The following TMEM108 variants were observed in gnomAD, a reference collection of about 807,000 sequenced individuals.
The protein encoded by TMEM108 is cancer/testis antigen 124.
Under a neutral mutation model 35.1 loss-of-function variants are expected in TMEM108, and 12 were observed. The observed-to-expected ratio is 0.34, with a 90% CI of 0.22 to 0.55. The LOEUF is 0.55. Ranked by LOEUF, TMEM108 falls within the 20% of genes least tolerant of loss-of-function variation. TMEM108 has a pLI of 0.89. For synonymous variants in TMEM108, 287 were observed against 308.6 expected, an observed-to-expected ratio of 0.93 and a Z score of 0.73; for missense variants, 680 against 753.3, an observed-to-expected ratio of 0.90 and a Z score of 1.14.
At chr3:133,052,973 G>A (rs191727153) in intron 2 of TMEM108, among the ~76,000 whole-genome samples, 49 of 152,242 alleles carry the variant, frequency 3.2e-4, no homozygotes, top group African/African-American at 1.1e-3. Flanking sequence ...GATGGGGAGA[G>A]GGAGGAGTAA....
intron 2 of TMEM108, among the ~76,000 whole-genome samples, chr3:133,218,374 C>T (rs1255703343): frequency 6.6e-6 from 1 of 151,532 alleles, no homozygotes; most frequent in Non-Finnish European, 1.5e-5. Flanking sequence ...TTTTTCTTTC[C>T]AGTTTGGATG....
chr3:133,040,210 T>G (rs1173428170), intron 1 of TMEM108, among the ~76,000 whole-genome samples: 147 of 146,062 alleles, frequency 1.0e-3, no homozygotes, highest in African/African-American at 2.2e-3. Flanking sequence ...TTGTTTGTTT[T>G]TTTTTTTTTT....
chr3:133,210,484 T>G (rs1352375621), intron 2 of TMEM108, among the ~76,000 whole-genome samples: 1 of 152,198 alleles, frequency 6.6e-6, no homozygotes, highest in Non-Finnish European at 1.5e-5. Flanking sequence ...GGAGTCAGAA[T>G]TTCTAAGGGA....
intron 2 of TMEM108, among the ~76,000 whole-genome samples, 200 bp downstream of exon 2, chr3:133,046,220 G>A (rs1387506549): frequency 6.6e-6 from 1 of 152,168 alleles, no homozygotes; most frequent in African/African-American, 2.4e-5. Flanking sequence ...TGATGGGATG[G>A]AATCTATGCA....
intron 3 of TMEM108, among the ~76,000 whole-genome samples, chr3:133,355,005 G>T (rs1390238596): frequency 6.6e-6 from 1 of 152,130 alleles, no homozygotes; most frequent in Admixed American, 6.5e-5. Flanking sequence ...ATGGGAGGAA[G>T]GGTAGGCAAG....
chr3:133,343,308 G>A lies in TMEM108; in HGVS notation c.41-36444G>A, dbSNP rs149607922. Reference sequence around the variant, plus strand: ...CAATCACTTTAGAGACACTGTAGACGTTTCTTATAAAGCTGAGTATATAGA... The same window carrying A: ...CAATCACTTTAGAGACACTGTAGACATTTCTTATAAAGCTGAGTATATAGA... On this transcript the variant is annotated intron_variant, in intron 3 of 5. Transcript: ENST00000321871. 3.4e-3 allele frequency among the ~76,000 whole-genome samples: 514 copies of A among 151,944 alleles called. 7 individuals are homozygous for A. Among genetic ancestry groups the A allele is most frequent in the African/African-American group, 0.011 (477 of 41,502 alleles).
intron 2 of TMEM108, among the ~76,000 whole-genome samples, chr3:133,080,879 G>T (rs1943801077): frequency 6.6e-6 from 1 of 152,034 alleles, no homozygotes; most frequent in Non-Finnish European, 1.5e-5. Flanking sequence ...GACACAAGTA[G>T]GGTCTCTTCA....
intron 2 of TMEM108, among the ~76,000 whole-genome samples, chr3:133,070,802 A>C (rs1278872782): frequency 6.7e-6 from 1 of 149,912 alleles, no homozygotes; most frequent in East Asian, 1.9e-4. Flanking sequence ...AGTGTGTTTA[A>C]CAGTCTCTTG....
chr3:133,205,891 G>A (rs538292651), intron 2 of TMEM108, among the ~76,000 whole-genome samples: 1 of 152,298 alleles, frequency 6.6e-6, no homozygotes, highest in Non-Finnish European at 1.5e-5. Flanking sequence ...CCTGAAGAGT[G>A]TTTTCCAACT....
chr3:133,096,638 T>C (rs978589617), intron 2 of TMEM108, among the ~76,000 whole-genome samples: 7 of 152,196 alleles, frequency 4.6e-5, no homozygotes, highest in Non-Finnish European at 1.0e-4. Context: ...TTTCCTATAA[T>C]ATGTATTAAA....
chr3:133,368,800 C>T (rs2072572489), intron 3 of TMEM108, among the ~76,000 whole-genome samples: 1 of 152,140 alleles, frequency 6.6e-6, no homozygotes, highest in Admixed American at 6.5e-5. Flanking sequence ...CACATGGTTT[C>T]AAAAGTATTA....
intron 2 of TMEM108, among the ~76,000 whole-genome samples, chr3:133,094,942 G>C (rs1326876205): frequency 6.6e-6 from 1 of 152,182 alleles, no homozygotes; most frequent in Admixed American, 6.5e-5. Flanking sequence ...TTTGTTGAAT[G>C]AGTGAACAAA....
chr3:133,351,436 C>T (rs536921687), intron 3 of TMEM108, among the ~76,000 whole-genome samples: 7 of 152,004 alleles, frequency 4.6e-5, no homozygotes, highest in Admixed American at 6.6e-5. Context: ...TTTTGTTTGC[C>T]GGTTTTAAAA....
intron 2 of TMEM108, among the ~76,000 whole-genome samples, chr3:133,187,398 T>C (rs1945436086): frequency 2.0e-5 from 3 of 152,166 alleles, no homozygotes; most frequent in African/African-American, 7.2e-5. Flanking sequence ...GGTTGAGAAG[T>C]AGCAGGGAGA....
At chr3:133,312,930 A>G (rs2107712903) in intron 3 of TMEM108, among the ~76,000 whole-genome samples, 1 of 152,336 alleles carries the variant, frequency 6.6e-6, no homozygotes, top group African/African-American at 2.4e-5. Context: ...CAGTAGAATT[A>G]CCAACTTTAC....
intron 3 of TMEM108, among the ~76,000 whole-genome samples, chr3:133,321,513 A>G (rs1237084109): frequency 1.3e-5 from 2 of 152,218 alleles, no homozygotes; most frequent in Admixed American, 6.5e-5. Context: ...TTCCAAATTT[A>G]TAAAACAATT....
intron 3 of TMEM108, among the ~76,000 whole-genome samples, chr3:133,279,909 G>A (rs1946888300): frequency 6.6e-6 from 1 of 152,204 alleles, no homozygotes; most frequent in Admixed American, 6.5e-5. Flanking sequence ...ACTAAAATGT[G>A]TAATTAGCTG....
intron 4 of TMEM108, chr3:133,388,517 A>C (rs2107856903): frequency 1.0e-6 from 1 of 985,332 alleles, no homozygotes; most frequent in South Asian, 4.7e-5. Flanking sequence ...GATCCACAAT[A>C]TTTGAAAAGT....
At chr3:133,322,786 A>C (rs949339086) in intron 3 of TMEM108, among the ~76,000 whole-genome samples, 2 of 152,168 alleles carry the variant, frequency 1.3e-5, no homozygotes, top group African/African-American at 4.8e-5. Context: ...CTAGCTAACC[A>C]AATCAAACAA....
Sources: allele counts gnomAD v4.1 joint callset (sites outside exome capture counted in the v4.1 genomes callset), GRCh38; gene constraint gnomAD v4.1.1; transcripts MANE v1.5; gene names NCBI Gene and HGNC (gene_info 2026-07-23, HGNC 2026-07-21).